Variants in TNNI3K observed in about 807,000 individuals in gnomAD.
The protein encoded by TNNI3K is serine/threonine-protein kinase TNNI3K.
In TNNI3K, 140 loss-of-function variants were observed where a neutral mutation model predicts 114.5. The observed-to-expected ratio is 1.22, with a 90% confidence interval of 1.07 to 1.41. The LOEUF (loss-of-function observed/expected upper bound fraction) is 1.41. TNNI3K is among the 40% of genes most tolerant of loss of function. The pLI, the probability that TNNI3K is intolerant of heterozygous loss-of-function variation, is 0.00. For synonymous variants in TNNI3K, 347 were observed against 347.5 expected, an observed-to-expected ratio of 1.00 and a Z score of 0.02; for missense variants, 1,125 against 1,007.6, an observed-to-expected ratio of 1.12 and a Z score of -1.58.
intron 5 of TNNI3K, among the ~76,000 whole-genome samples, chr1:74,316,558 T>C (rs1296258438): frequency 6.6e-6 from 1 of 152,208 alleles, no homozygotes; most frequent in Non-Finnish European, 1.5e-5. Context: ...AGTTACTGAA[T>C]GTCTTACTCC....
chr1:74,253,837 G>C (rs559776798), intron 4 of TNNI3K, among the ~76,000 whole-genome samples: 3 of 152,324 alleles, frequency 2.0e-5, no homozygotes, highest in East Asian at 1.9e-4. Flanking sequence ...AGTGCAGCCA[G>C]AGTGGGCGCC....
chr1:74,346,166 A>G (rs1660989538), intron 9 of TNNI3K: 1 of 152,176 alleles, frequency 6.6e-6, no homozygotes, highest in African/African-American at 2.4e-5. Context: ...CAGAGGTCAA[A>G]GAACTTGTCC....
intron 23 of TNNI3K, among the ~76,000 whole-genome samples, chr1:74,494,977 G>C (rs1468689541): frequency 6.6e-6 from 1 of 152,138 alleles, no homozygotes; most frequent in Non-Finnish European, 1.5e-5. Context: ...AAGGGTGGAG[G>C]GGACAGAGCT....
intron 5 of TNNI3K, among the ~76,000 whole-genome samples, chr1:74,292,391 T>C (rs1050783635): frequency 1.3e-5 from 2 of 151,610 alleles, no homozygotes; most frequent in African/African-American, 2.4e-5. Context: ...TTTTGGCACA[T>C]TTAAGTTGTA....
Position 74,308,904 on chromosome 1 carries a change from G to A in TNNI3K, c.445-22546G>A, listed in dbSNP as rs541346286. On this transcript the variant is annotated intron_variant, in intron 5 of 24. Coordinates refer to ENST00000326637, the MANE Select transcript of TNNI3K (RefSeq NM_015978.3). ...TGTACACAAACTAGAAAACCTTGAG[G>A]AAATGGATAAATTCTCAGAAACACA... is the stretch of plus-strand genomic sequence containing the variant. Among the ~76,000 whole-genome samples, 98 of 152,200 alleles carry A rather than the reference G, an allele frequency of 6.4e-4. 1 individual carries two copies. Among genetic ancestry groups the A allele is most frequent in the African/African-American group, 2.0e-3 (85 of 41,542 alleles).
chr1:74,415,893 A>G (rs986322346), intron 17 of TNNI3K, among the ~76,000 whole-genome samples: 16 of 152,134 alleles, frequency 1.1e-4, no homozygotes, highest in Admixed American at 3.9e-4. Flanking sequence ...TACAGCTACT[A>G]CTGGTATGCA....
chr1:74,348,459 T>G (rs1166675926), intron 9 of TNNI3K, among the ~76,000 whole-genome samples: 1 of 152,210 alleles, frequency 6.6e-6, no homozygotes, highest in Non-Finnish European at 1.5e-5. Context: ...TCTTTTTGCT[T>G]AGGATTGACT....
chr1:74,409,492 CTTT>C (rs540218540), intron 17 of TNNI3K, among the ~76,000 whole-genome samples: 5 of 124,890 alleles, frequency 4.0e-5, no homozygotes, highest in Admixed American at 8.1e-5. Context: ...CTATTTGTTT[CTTT>C]TTTTTTTTTT....
chr1:74,474,559 C>A (rs1157193987), intron 21 of TNNI3K, among the ~76,000 whole-genome samples: 2 of 152,160 alleles, frequency 1.3e-5, no homozygotes, highest in Non-Finnish European at 2.9e-5. Flanking sequence ...TGTTGTGAAC[C>A]AATTCAAATA....
At chr1:74,278,139 C>CTTTT in intron 5 of TNNI3K, among the ~76,000 whole-genome samples, 1 of 151,528 alleles carries the variant, frequency 6.6e-6, no homozygotes, top group Admixed American at 6.6e-5. Flanking sequence ...TTCTCTCTCT[C>CTTTT]TCTTATTTTT....
At chr1:74,260,177 T>A (rs1412402734) in intron 4 of TNNI3K, among the ~76,000 whole-genome samples, 1 of 152,232 alleles carries the variant, frequency 6.6e-6, no homozygotes, top group Non-Finnish European at 1.5e-5. Context: ...TAAGTTTACA[T>A]TATCTTTTAT....
intron 17 of TNNI3K, among the ~76,000 whole-genome samples, chr1:74,396,079 G>T (rs1664063829): frequency 6.6e-6 from 1 of 152,156 alleles, no homozygotes; most frequent in Admixed American, 6.5e-5. Flanking sequence ...GGAAGAAAAA[G>T]AGCGTAATAA....
At chr1:74,374,625 G>C (rs1227201241) in intron 17 of TNNI3K, 1 of 151,936 alleles carries the variant, frequency 6.6e-6, no homozygotes, top group Non-Finnish European at 1.5e-5. Context: ...TTATGCTTCT[G>C]TGTTCCTGCT....
At chr1:74,249,696 A>G (rs774764586) in intron 3 of TNNI3K, 152 bp downstream of exon 3, 27 of 608,548 alleles carry the variant, frequency 4.4e-5, no homozygotes, top group East Asian at 6.3e-5. Flanking sequence ...CAGTTTAGGC[A>G]GTAACTATCA....
chr1:74,475,563 A>G (rs1668160018), intron 21 of TNNI3K: 1 of 717,264 alleles, frequency 1.4e-6, no homozygotes, highest in African/African-American at 1.7e-5. Flanking sequence ...ATGTTGCTTG[A>G]TGGCTATTTT....
intron 20 of TNNI3K, among the ~76,000 whole-genome samples, chr1:74,462,649 G>T (rs909615766): frequency 6.6e-6 from 1 of 152,174 alleles, no homozygotes; most frequent in Non-Finnish European, 1.5e-5. Flanking sequence ...CTACCATGAT[G>T]CCTGATACAA....
intron 2 of TNNI3K, among the ~76,000 whole-genome samples, chr1:74,242,852 CCTCT>C (rs954701772): frequency 4.6e-4 from 69 of 151,298 alleles, no homozygotes; most frequent in Admixed American, 1.4e-3. Context: ...TCTCTCTCTG[CCTCT>C]CTCTCTCTAT....
intron 17 of TNNI3K, among the ~76,000 whole-genome samples, chr1:74,426,593 G>A (rs189432552): frequency 2.2e-4 from 34 of 151,994 alleles, no homozygotes; most frequent in African/African-American, 7.7e-4. Flanking sequence ...CTCGTCTTTC[G>A]TATAGTTCTT....
chr1:74,430,077 C>T (rs1436200062), intron 17 of TNNI3K, among the ~76,000 whole-genome samples: 1 of 152,100 alleles, frequency 6.6e-6, no homozygotes, highest in African/African-American at 2.4e-5. Context: ...CTTTAAAGAA[C>T]TCCTAATGGT....
Sources: gnomAD v4.1 joint callset for allele counts (sites outside exome capture counted in the v4.1 genomes callset) on GRCh38, gnomAD v4.1.1 for gene constraint, MANE v1.5 for transcripts, NCBI Gene and HGNC (gene_info 2026-07-23, HGNC 2026-07-21) for gene names.